Variants in ANKS1A observed in about 807,000 individuals in gnomAD.
ANKS1A encodes ankyrin repeat and SAM domain-containing protein 1A.
In ANKS1A, 55 loss-of-function variants were observed where a neutral mutation model predicts 120.3. The ratio of observed to expected loss-of-function variants is 0.46; its 90% confidence interval spans 0.37 to 0.57. The LOEUF is 0.57. ANKS1A is among the 20% of genes least tolerant of loss of function. The pLI, the probability that ANKS1A is intolerant of heterozygous loss-of-function variation, is 0.00. For synonymous variants in ANKS1A, 590 were observed against 604.7 expected (o/e 0.98, Z 0.36); for missense variants, 1,123 against 1,480.3 (o/e 0.76, Z 3.96).
chr6:34,976,940 G>A lies in ANKS1A; in HGVS notation c.436-4750G>A, dbSNP rs1385608369. 2.0e-5 allele frequency among the ~76,000 whole-genome samples: 3 copies of A among 152,040 alleles called. No homozygotes were observed. The East Asian group carries it at 5.8e-4, about 29-fold the overall frequency. On this transcript the variant is annotated intron_variant, in intron 3 of 23. Coordinates refer to ENST00000360359, the MANE Select transcript of ANKS1A (RefSeq NM_015245.3). ...AAGAACAAGGACATTCGCTTATAAA[G>A]CCACAATACATTTATTACATTTGGA...
intron 10 of ANKS1A, among the ~76,000 whole-genome samples, chr6:35,015,126 C>A (rs1773934542): frequency 6.6e-6 from 1 of 152,184 alleles, no homozygotes; most frequent in Non-Finnish European, 1.5e-5. Context: ...TTGTTCATTG[C>A]TCAGGACCTG....
intron 13 of ANKS1A, among the ~76,000 whole-genome samples, chr6:35,061,746 G>C (rs1021316016): frequency 6.6e-6 from 1 of 152,154 alleles, no homozygotes; most frequent in African/African-American, 2.4e-5. Flanking sequence ...ATGTATTTAT[G>C]GTTCTTATGA....
intron 1 of ANKS1A, among the ~76,000 whole-genome samples, chr6:34,922,301 G>A (rs1033076678): frequency 1.3e-5 from 2 of 152,188 alleles, no homozygotes; most frequent in Non-Finnish European, 2.9e-5. Context: ...GAGAGAGGCT[G>A]CGTAATATGT....
chr6:35,055,731 C>T (rs1216534348), intron 12 of ANKS1A, among the ~76,000 whole-genome samples: 1 of 152,220 alleles, frequency 6.6e-6, no homozygotes, highest in Non-Finnish European at 1.5e-5. Context: ...GTTTTCAGTC[C>T]TGGTTCCCAG....
chr6:34,902,796 C>G (rs1767425150), intron 1 of ANKS1A, among the ~76,000 whole-genome samples: 1 of 144,880 alleles, frequency 6.9e-6, no homozygotes, highest in African/African-American at 2.5e-5. Context: ...AAGCAAGACT[C>G]CGTCTCAAAA....
chr6:35,000,260 A>G (rs1182557723), intron 10 of ANKS1A, among the ~76,000 whole-genome samples: 2 of 152,104 alleles, frequency 1.3e-5, no homozygotes, highest in Non-Finnish European at 2.9e-5. Context: ...GAAAAAAAAA[A>G]AAAAGCCATC....
downstream of ANKS1A, chr6:35,091,513 C>A: frequency 1.3e-6 from 1 of 790,602 alleles, no homozygotes; most frequent in Non-Finnish European, 1.5e-6. Context: ...TCGCATCCTA[C>A]ACCGTTTGGC....
intron 3 of ANKS1A, among the ~76,000 whole-genome samples, chr6:34,971,436 G>A (rs564838550): frequency 6.6e-6 from 1 of 152,262 alleles, no homozygotes; most frequent in African/African-American, 2.4e-5. Context: ...CATTTGGGTT[G>A]GAAGTTGTGT....
At chr6:34,912,483 C>T (rs976921711) in intron 1 of ANKS1A, among the ~76,000 whole-genome samples, 2 of 152,124 alleles carry the variant, frequency 1.3e-5, no homozygotes, top group African/African-American at 2.4e-5. Flanking sequence ...AGCTCCAGAC[C>T]CTGGGACCGT....
At chr6:34,955,709 T>C (rs932445590) in intron 1 of ANKS1A, among the ~76,000 whole-genome samples, 1 of 152,212 alleles carries the variant, frequency 6.6e-6, no homozygotes, top group South Asian at 2.1e-4. Context: ...TCCAGTCATT[T>C]CCTGATAAAA....
chr6:34,920,651 C>T (rs1182133222), intron 1 of ANKS1A, among the ~76,000 whole-genome samples: 2 of 152,180 alleles, frequency 1.3e-5, no homozygotes, highest in East Asian at 3.8e-4. Context: ...TGCCTCCTAA[C>T]TCCTGTGAAT....
At chr6:34,986,820 A>T (rs1446880687) in intron 8 of ANKS1A, among the ~76,000 whole-genome samples, 1 of 152,252 alleles carries the variant, frequency 6.6e-6, no homozygotes, top group African/African-American at 2.4e-5. Context: ...CACCACCAGT[A>T]TAGCACTTCT....
At position 34,889,495 on chromosome 6, in the gene ANKS1A, C is replaced by T. The variant is rs1420600754; in HGVS notation, c.93C>T (p.Gly31=). The T allele has an allele frequency of 1.6e-6, 2 of 1,278,840 alleles. No homozygotes were observed. Among genetic ancestry groups the T allele is most frequent in the Admixed American group, 4.2e-5 (1 of 23,972 alleles). 79.2% of individuals were successfully genotyped at this position (1,278,840 alleles called of 1,614,324 possible). A position where few individuals can be genotyped will look rare whatever the true frequency, so the allele number is the denominator to read the frequency against. ...KLLSGKRLSS[G]FGGGGGGGSG... ...TGTCCGGGAAGCGGCTCTCCTCAGG[C>T]TTTGGGGGCGGCGGCGGCGGTGGCT... The change falls in exon 1 of 24, where the codon GGC becomes GGT. Residue 31 remains glycine (G), a synonymous_variant. Transcript: ENST00000360359. This position sits in a 1 kb window ranked among gnomAD's most constrained non-coding sequence, Gnocchi z 5.5.
rs953990961 is a variant in ANKS1A, at chr6:35,033,272, C to G, written c.2010+15213C>G. Among the ~76,000 whole-genome samples the G allele has an allele frequency of 4.6e-5, 7 of 152,118 alleles. 1 individual carries two copies. The highest frequency in any genetic ancestry group is 3.9e-4 in the Admixed American group (6 of 15,276). Reference sequence around the variant, plus strand: ...CCTGCTCAGGTAGCTCCATATGTTCCCACAGGTCTCCAGAAGGACTTGCTG... The same window carrying G: ...CCTGCTCAGGTAGCTCCATATGTTCGCACAGGTCTCCAGAAGGACTTGCTG... On this transcript the variant is annotated intron_variant, in intron 11 of 23. Transcript: ENST00000360359.
At chr6:34,928,343 C>G (rs749366121) in intron 1 of ANKS1A, among the ~76,000 whole-genome samples, 1 of 152,168 alleles carries the variant, frequency 6.6e-6, no homozygotes, top group African/African-American at 2.4e-5. Context: ...CTCGGAGCTT[C>G]ATGCTCAGAA....
Position 34,939,716 on chromosome 6 carries a change from CA to C in ANKS1A, c.198-27512del, listed in dbSNP as rs59762250. Among the ~76,000 whole-genome samples the C allele has an allele frequency of 2.6e-3, 368 of 140,626 alleles. 1 individual carries two copies. Among genetic ancestry groups the C allele is most frequent in the African/African-American group, 8.4e-3 (323 of 38,412 alleles). The allele number at this position is 140,626 out of a possible 152,430, so 92.3% of individuals were successfully genotyped here. A position where few individuals can be genotyped will look rare whatever the true frequency, so the allele number is the denominator to read the frequency against. On this transcript the variant is annotated intron_variant, in intron 1 of 23. Transcript: ENST00000360359. ...TGACAGAGTGAGATCCTGTCTCTTT[CA>C]AAAAAAAAAAGAAAAGGTTTGGGGA...
At chr6:34,930,252 T>G (rs1384430421) in intron 1 of ANKS1A, among the ~76,000 whole-genome samples, 3 of 152,166 alleles carry the variant, frequency 2.0e-5, no homozygotes, top group Non-Finnish European at 4.4e-5. Flanking sequence ...TTTCATTACC[T>G]TACTGTGGGG....
chr6:35,004,336 T>C (rs1225395742), intron 10 of ANKS1A, among the ~76,000 whole-genome samples: 1 of 152,124 alleles, frequency 6.6e-6, no homozygotes, highest in Non-Finnish European at 1.5e-5. Context: ...TAAATTACAT[T>C]TTTAGGCTGG....
At chr6:34,898,959 G>C (rs1767223120) in intron 1 of ANKS1A, among the ~76,000 whole-genome samples, 1 of 152,082 alleles carries the variant, frequency 6.6e-6, no homozygotes, top group African/African-American at 2.4e-5. Flanking sequence ...ACATGCATGT[G>C]GATAAGTTTG....
Sources: allele counts gnomAD v4.1 joint callset (sites outside exome capture counted in the v4.1 genomes callset), GRCh38; gene constraint gnomAD v4.1.1; non-coding constraint Gnocchi (gnomAD v3.1); transcripts MANE v1.5; gene names NCBI Gene and HGNC (gene_info 2026-07-23, HGNC 2026-07-21).